The following ABAT variants were observed in gnomAD, a reference collection of about 807,000 sequenced individuals.
ABAT encodes the protein 4-aminobutyrate aminotransferase.
In ABAT, 45 loss-of-function variants were observed where a neutral mutation model predicts 64.6. The observed-to-expected ratio is 0.70, with a 90% confidence interval of 0.55 to 0.89. The LOEUF (loss-of-function observed/expected upper bound fraction) is 0.89. Ranked by LOEUF, ABAT falls within the 40% of genes least tolerant of loss-of-function variation. ABAT has a pLI of 0.00. For synonymous variants in ABAT, 297 were observed against 250.5 expected (o/e 1.19, Z -1.75); for missense variants, 633 against 658.4 (o/e 0.96, Z 0.42).
At chr16:8,735,893 G>T in intron 2 of ABAT, 84 bp downstream of exon 2, 1 of 1,206,612 alleles carries the variant, frequency 8.3e-7, no homozygotes, top group Non-Finnish European at 1.2e-6. Context: ...AAGAGCCCTT[G>T]GGGATAAAGG....
At chr16:8,721,047 A>C (rs2058354759) in intron 1 of ABAT, 1 of 152,262 alleles carries the variant, frequency 6.6e-6, no homozygotes, top group Non-Finnish European at 1.5e-5. Context: ...GACTTCTGCC[A>C]GCCCACAAAA....
chr16:8,720,011 C>T (rs764363134), intron 1 of ABAT, among the ~76,000 whole-genome samples: 20 of 152,142 alleles, frequency 1.3e-4, no homozygotes, highest in Non-Finnish European at 2.1e-4. Context: ...TGGGACTTCA[C>T]CATTTTAGCC....
chr16:8,700,018 A>G (rs139499408), intron 1 of ABAT, among the ~76,000 whole-genome samples: 1 of 151,728 alleles, frequency 6.6e-6, no homozygotes, highest in East Asian at 1.9e-4. Context: ...ACTGAGTTAT[A>G]CGATGTTGCC....
chr16:8,723,905 A>G (rs1431317961), intron 1 of ABAT, among the ~76,000 whole-genome samples: 1 of 127,154 alleles, frequency 7.9e-6, no homozygotes, highest in Middle Eastern at 6.3e-3. Context: ...CAGTGGCATG[A>G]TCTAGGCTCA....
At chr16:8,763,519 G>C (rs906225933) in intron 6 of ABAT, among the ~76,000 whole-genome samples, 17 of 152,124 alleles carry the variant, frequency 1.1e-4, no homozygotes, top group South Asian at 4.1e-4. Flanking sequence ...TTTGCACTGA[G>C]TGCATTACAC....
chr16:8,771,541 T>A (rs1053604418), intron 11 of ABAT, among the ~76,000 whole-genome samples: 7 of 150,616 alleles, frequency 4.6e-5, no homozygotes, highest in African/African-American at 7.4e-5. Context: ...ATATCTCGGC[T>A]CATTGCAACT....
At chr16:8,690,780 T>C (rs1391700946) in intron 1 of ABAT, among the ~76,000 whole-genome samples, 2 of 152,186 alleles carry the variant, frequency 1.3e-5, no homozygotes, top group Non-Finnish European at 1.5e-5. Flanking sequence ...GGGGAGGAAG[T>C]TGAATATACA....
In ABAT at chr16:8,764,868, C is replaced by G. The variant is rs757007502; in HGVS notation, c.540+38C>G. ...GCACACACACACACACACACACAGG[C>G]TCCCCAGCACCCAGCCACACGCTCA... is the stretch of plus-strand genomic sequence containing the variant. On this transcript the variant is annotated intron_variant, in intron 8 of 15. Transcript: ENST00000268251. The surrounding 1 kb of genome is among the most constrained non-coding windows in gnomAD (Gnocchi z 4.2). 2.1e-6 allele frequency: 3 copies of G among 1,461,976 alleles called. No homozygotes were observed. Among genetic ancestry groups the G allele is most frequent in the Non-Finnish European group, 9.6e-7 (1 of 1,044,680 alleles). 90.6% of individuals were successfully genotyped at this position (1,461,976 alleles called of 1,614,324 possible).
At chr16:8,697,634 G>GT (rs1466070824) in intron 1 of ABAT, among the ~76,000 whole-genome samples, 1 of 117,042 alleles carries the variant, frequency 8.5e-6, no homozygotes, top group Non-Finnish European at 1.9e-5. Flanking sequence ...TTTGTTTTTT[G>GT]TTTTTTGGTT....
intron 9 of ABAT, 110 bp downstream of exon 9, chr16:8,766,380 C>G: frequency 1.9e-6 from 2 of 1,057,590 alleles, no homozygotes; most frequent in South Asian, 2.7e-5. Flanking sequence ...CCAGGCCAGG[C>G]GCGGTGGCTC....
At chr16:8,772,703 C>T (rs2060148279) in intron 11 of ABAT, 77 bp from the exon 12 acceptor site, 1 of 1,584,374 alleles carries the variant, frequency 6.3e-7, no homozygotes, top group South Asian at 1.1e-5. Context: ...TGGGGCTCAT[C>T]GAACCCCAGA....
At chr16:8,718,657 G>T (rs2058279763) in intron 1 of ABAT, among the ~76,000 whole-genome samples, 1 of 152,146 alleles carries the variant, frequency 6.6e-6, no homozygotes, top group South Asian at 2.1e-4. Context: ...CCTGCCTCTG[G>T]GAAGATGACC....
chr16:8,734,099 G>T (rs979038337), intron 1 of ABAT, among the ~76,000 whole-genome samples: 11 of 152,126 alleles, frequency 7.2e-5, no homozygotes, highest in Non-Finnish European at 4.4e-5. Flanking sequence ...GTGAACATGG[G>T]TTAAAATACC....
intron 1 of ABAT, among the ~76,000 whole-genome samples, chr16:8,704,857 A>T (rs997174076): frequency 3.9e-5 from 6 of 152,068 alleles, no homozygotes; most frequent in East Asian, 1.9e-4. Context: ...AAAAATTTTT[A>T]AATTTTTGTA....
rs376861042 is a variant in ABAT at position 8,767,990 on chromosome 16, T to TAA, written c.604-191_604-190dup. On this transcript the variant is annotated intron_variant, in intron 9 of 15. Coordinates refer to ENST00000268251, the MANE Select transcript of ABAT (RefSeq NM_020686.6). ...CACACCCAGCCTAAAATTTGTGACT[T>TAA]AAAAAAAAAAAAATGTAAGTATGTA... Among the ~76,000 whole-genome samples the TAA allele has an allele frequency of 3.4e-5, 5 of 145,696 alleles. No individual in the cohort carries two copies. The East Asian group carries it at 8.0e-4, about 23-fold the overall frequency.
At chr16:8,748,068 T>C (rs1280004784) in intron 3 of ABAT, 40 bp from the exon 4 acceptor site, 1 of 1,603,454 alleles carries the variant, frequency 6.2e-7, no homozygotes, top group Admixed American at 1.7e-5. Flanking sequence ...TTGGCAAGAG[T>C]GTGGACTTGC....
At position 8,683,715 on chromosome 16, in the gene ABAT, T is replaced by C. The variant is rs117688764; in HGVS notation, c.-42+9004T>C. 5.1e-3 allele frequency among the ~76,000 whole-genome samples: 774 copies of C among 152,214 alleles called. 2 individuals are homozygous for C. Among genetic ancestry groups the C allele is most frequent in the Non-Finnish European group, 6.9e-3 (468 of 68,008 alleles). The stretch of plus-strand genomic sequence containing the variant: ...AGTGATGCAAGAACAAGAACTTAAG[T>C]TGTATTCTTTTGTTCATCCAACCAG... On this transcript the variant is annotated intron_variant, in intron 1 of 15. Transcript: ENST00000268251.
rs752253647 is a variant in ABAT at position 8,768,175 on chromosome 16, G to C, written c.604-18G>C. ...ATCCTTACAACTATGACTAATGACT[G>C]ATATTTCTTGGTTTTAGGCCCCTGG... On this transcript the variant is annotated intron_variant, in intron 9 of 15. Transcript: ENST00000268251. The C allele has an allele frequency of 2.5e-6, 4 of 1,612,902 alleles. No homozygotes were observed. The highest frequency in any genetic ancestry group is 3.4e-6 in the Non-Finnish European group (4 of 1,179,078).
chr16:8,706,824 A>C (rs2057956077), intron 1 of ABAT, among the ~76,000 whole-genome samples: 1 of 152,252 alleles, frequency 6.6e-6, no homozygotes, highest in African/African-American at 2.4e-5. Context: ...ATCCACAAGA[A>C]GGTTTATAAA....
Sources: gnomAD v4.1 joint callset for allele counts (sites outside exome capture counted in the v4.1 genomes callset) on GRCh38, gnomAD v4.1.1 for gene constraint, Gnocchi (gnomAD v3.1) non-coding constraint, MANE v1.5 for transcripts, NCBI Gene and HGNC (gene_info 2026-07-23, HGNC 2026-07-21) for gene names.